Variants in SNX4 observed in about 807,000 individuals in gnomAD.
SNX4 encodes sorting nexin 4.
In SNX4, 49 loss-of-function variants were observed where a neutral mutation model predicts 70.8. The ratio of observed to expected loss-of-function variants is 0.69; its 90% CI spans 0.55 to 0.88. SNX4 has a LOEUF of 0.88. Among genes scored for constraint, SNX4 ranks in the 40% least tolerant of loss-of-function variants. The probability of loss-of-function intolerance (pLI) is 0.00; values close to 1 mark genes in which losing one functional copy is unlikely to be tolerated. For synonymous variants in SNX4, 206 were observed against 183.8 expected, an observed-to-expected ratio of 1.12 and a Z score of -0.98; for missense variants, 528 against 544.8, an observed-to-expected ratio of 0.97 and a Z score of 0.31.
At chr3:125,484,741 C>T (rs1184032982) in intron 6 of SNX4, among the ~76,000 whole-genome samples, 4 of 151,984 alleles carry the variant, frequency 2.6e-5, no homozygotes, top group Non-Finnish European at 5.9e-5. Context: ...TATGTAATCC[C>T]AGCACTTTGG....
At chr3:125,509,518 A>G (rs1935122746) in intron 1 of SNX4, among the ~76,000 whole-genome samples, 2 of 151,604 alleles carry the variant, frequency 1.3e-5, no homozygotes, top group East Asian at 3.9e-4. Flanking sequence ...TTGGGAGGCC[A>G]AGGCGGGTGG....
chr3:125,495,250 T>TTTTATATATATATATA (rs869243473), intron 5 of SNX4, among the ~76,000 whole-genome samples: 27 of 38,158 alleles, frequency 7.1e-4, no homozygotes, highest in Non-Finnish European at 1.3e-3. Context: ...CATTCTCTCT[T>TTTTATATATATATATA]TATATATATA....
chr3:125,503,116 A>G (rs796870968), intron 2 of SNX4, among the ~76,000 whole-genome samples: 1 of 152,004 alleles, frequency 6.6e-6, no homozygotes, highest in South Asian at 2.1e-4. Flanking sequence ...CATGTTGGCC[A>G]GGGTGGTCTC....
chr3:125,511,507 G>T (rs1389391944), intron 1 of SNX4, among the ~76,000 whole-genome samples: 1 of 151,998 alleles, frequency 6.6e-6, no homozygotes, highest in Non-Finnish European at 1.5e-5. Context: ...TTTCCCACTA[G>T]AATATCTCAG....
In SNX4 at chr3:125,520,023, TCTC is replaced by T. The variant is rs771915385; in HGVS notation, c.141+6_141+8del. 9.2e-6 allele frequency: 14 copies of T among 1,523,656 alleles called. No homozygotes were observed. The highest frequency in any genetic ancestry group is 1.2e-5 in the South Asian group (1 of 84,774). The allele number at this position is 1,523,656 out of a possible 1,614,324, so 94.4% of individuals were successfully genotyped here. A position where few individuals can be genotyped will look rare whatever the true frequency, so the allele number is the denominator to read the frequency against. ...AGGCCATGAGGGCTCTGCCGCCCCTTCTCCTCACCGTGTCGACCCCAGAGCTCT... is the reference window on the plus strand; with the variant it reads ...AGGCCATGAGGGCTCTGCCGCCCCTTCTCACCGTGTCGACCCCAGAGCTCT... On this transcript the variant is annotated splice_donor_region_variant and intron_variant, in intron 1 of 13. Transcript: ENST00000251775.
rs368464809 is a variant in SNX4, at chr3:125,491,621, C to T, written c.598-2158G>A. Among the ~76,000 whole-genome samples, 25 of 152,250 alleles carry T rather than the reference C, an allele frequency of 1.6e-4. 1 individual carries two copies. The South Asian group carries it at 2.7e-3, about 16-fold the overall frequency. On this transcript the variant is annotated intron_variant, in intron 5 of 13. Coordinates refer to ENST00000251775, the MANE Select transcript of SNX4 (RefSeq NM_003794.4). ...GAAGCTGACTAAAATGTCACCAAAC[C>T]GCTGGATCTCTGAAAAACTACCTGG...
At chr3:125,515,834 C>T (rs1047136863) in intron 1 of SNX4, among the ~76,000 whole-genome samples, 6 of 151,974 alleles carry the variant, frequency 3.9e-5, no homozygotes, top group Admixed American at 6.6e-5. Flanking sequence ...ATCACTTGAG[C>T]CCAGGAGTTT....
chr3:125,477,011 T>TTGCTTG (rs1934303833), intron 7 of SNX4, among the ~76,000 whole-genome samples: 1 of 152,198 alleles, frequency 6.6e-6, no homozygotes, highest in Non-Finnish European at 1.5e-5. Context: ...ACAGCAAGAG[T>TTGCTTG]GGTAATATGC....
chr3:125,506,344 C>CTTTTTTTTTT (rs552693772), intron 1 of SNX4, among the ~76,000 whole-genome samples: 40 of 137,720 alleles, frequency 2.9e-4, no homozygotes, highest in African/African-American at 8.1e-4. Context: ...TTTTTCATTT[C>CTTTTTTTTTT]TTTTTTTTTT....
At chr3:125,478,289 CA>C (rs1228195763) in intron 7 of SNX4, among the ~76,000 whole-genome samples, 1 of 151,910 alleles carries the variant, frequency 6.6e-6, no homozygotes, top group Non-Finnish European at 1.5e-5. Context: ...AGGCTGGTCT[CA>C]AACTCCTGAC....
intron 8 of SNX4, among the ~76,000 whole-genome samples, chr3:125,476,256 A>G (rs1351712884): frequency 3.4e-5 from 4 of 119,176 alleles, no homozygotes; most frequent in African/African-American, 1.1e-4. Context: ...ACAGAGCAAG[A>G]CTCCATCTCA....
intron 10 of SNX4, among the ~76,000 whole-genome samples, chr3:125,460,524 AC>A (rs1168528306): frequency 1.3e-5 from 2 of 152,218 alleles, no homozygotes; most frequent in African/African-American, 4.8e-5. Flanking sequence ...AGTGGAAACA[AC>A]AACATACAGG....
chr3:125,493,252 G>A (rs755891735), intron 5 of SNX4, among the ~76,000 whole-genome samples: 1 of 152,136 alleles, frequency 6.6e-6, no homozygotes, highest in Non-Finnish European at 1.5e-5. Flanking sequence ...CCCAGATTGA[G>A]TATTTATATA....
chr3:125,502,952 C>A (rs1320761212), intron 2 of SNX4, among the ~76,000 whole-genome samples: 1 of 149,040 alleles, frequency 6.7e-6, no homozygotes, highest in African/African-American at 2.5e-5. Context: ...GACAGCCTCT[C>A]GCTCTGTCAC....
chr3:125,508,566 C>CAAAAAA (rs564123552), intron 1 of SNX4, among the ~76,000 whole-genome samples: 1 of 98,384 alleles, frequency 1.0e-5, no homozygotes, highest in African/African-American at 3.5e-5. Flanking sequence ...GACTCTGTCT[C>CAAAAAA]AAAAAAAAAA....
chr3:125,465,653 AT>A (rs1559812117), intron 9 of SNX4, among the ~76,000 whole-genome samples: 1 of 149,996 alleles, frequency 6.7e-6, no homozygotes, highest in African/African-American at 2.5e-5. Context: ...TTTTTATTTT[AT>A]TTTTTTGAGA....
intron 6 of SNX4, among the ~76,000 whole-genome samples, chr3:125,482,286 C>A (rs1204324034): frequency 6.6e-6 from 1 of 152,210 alleles, no homozygotes; most frequent in African/African-American, 2.4e-5. Context: ...GCTTCCATAG[C>A]CAAAGCTCAA....
At chr3:125,491,622 G>T (rs1056762270) in intron 5 of SNX4, among the ~76,000 whole-genome samples, 1 of 152,110 alleles carries the variant, frequency 6.6e-6, no homozygotes, top group Admixed American at 6.5e-5. Flanking sequence ...TCACCAAACC[G>T]CTGGATCTCT....
intron 1 of SNX4, among the ~76,000 whole-genome samples, chr3:125,509,288 C>A (rs987669533): frequency 6.7e-6 from 1 of 150,212 alleles, no homozygotes; most frequent in Non-Finnish European, 1.5e-5. Context: ...CAAGATTGCA[C>A]CACTGCACTC....
Sources: allele counts gnomAD v4.1 joint callset (sites outside exome capture counted in the v4.1 genomes callset), GRCh38; gene constraint gnomAD v4.1.1; transcripts MANE v1.5; gene names NCBI Gene and HGNC (gene_info 2026-07-23, HGNC 2026-07-21).